Variants in HECW1 observed in about 807,000 individuals in gnomAD.
The protein encoded by HECW1 is HECT, C2 and WW domain containing E3 ubiquitin protein ligase 1.
Under a neutral mutation model 182.3 loss-of-function variants are expected in HECW1, and 61 were observed. The observed-to-expected ratio is 0.33, with a 90% CI of 0.27 to 0.41. The LOEUF (loss-of-function observed/expected upper bound fraction) is 0.41. Among genes scored for constraint, HECW1 ranks in the 10% least tolerant of loss-of-function variants. HECW1 has a pLI of 1.00. For missense variants in HECW1, 1,739 were observed against 2,108.9 expected, an observed-to-expected ratio of 0.82 and a Z score of 3.44; for synonymous variants, 859 against 832.6, an observed-to-expected ratio of 1.03 and a Z score of -0.55.
intron 2 of HECW1, among the ~76,000 whole-genome samples, chr7:43,115,965 A>G (rs1004650388): frequency 1.3e-5 from 2 of 152,196 alleles, no homozygotes; most frequent in African/African-American, 4.8e-5. Flanking sequence ...TCCAGCACCT[A>G]GCAGTTTGCC....
chr7:43,462,970 A>G (rs1018694729), intron 13 of HECW1, among the ~76,000 whole-genome samples: 4 of 152,054 alleles, frequency 2.6e-5, no homozygotes, highest in African/African-American at 9.7e-5. Flanking sequence ...CTTTTGTTAC[A>G]TCTCGACTGT....
chr7:43,257,811 TCTC>T (rs1481765663), intron 3 of HECW1, among the ~76,000 whole-genome samples: 2 of 152,040 alleles, frequency 1.3e-5, no homozygotes, highest in African/African-American at 4.8e-5. Flanking sequence ...TTATTTTGCC[TCTC>T]TATGTCTTAA....
intron 3 of HECW1, among the ~76,000 whole-genome samples, chr7:43,283,604 C>G (rs7785614): frequency 0.36 from 54,269 of 152,074 alleles, 13,169 homozygotes; most frequent in African/African-American, 0.69. Flanking sequence ...AGTTCTTTAG[C>G]ATCCTCAATA....
intron 12 of HECW1, among the ~76,000 whole-genome samples, chr7:43,454,219 T>C (rs552164987): frequency 8.5e-5 from 13 of 152,372 alleles, no homozygotes; most frequent in African/African-American, 3.1e-4. Context: ...CACTCATCTC[T>C]GTGTCCTCAG....
intron 8 of HECW1, among the ~76,000 whole-genome samples, chr7:43,421,986 T>C (rs1402603495): frequency 6.6e-6 from 1 of 152,190 alleles, no homozygotes; most frequent in African/African-American, 2.4e-5. Flanking sequence ...GTCTCTTTAA[T>C]ATCCCTTTGC....
At position 43,444,394 on chromosome 7, in the gene HECW1, C is replaced by G. The variant is rs1281477095; in HGVS notation, c.1222C>G (p.Gln408Glu). The G allele has an allele frequency of 6.2e-7, 1 of 1,613,918 alleles. No homozygotes were observed. Among genetic ancestry groups the G allele is most frequent in the African/African-American group, 1.3e-5 (1 of 74,902 alleles). The change falls in exon 11 of 30, where the codon CAA (glutamine) becomes GAA (glutamate). Residue 408 changes from glutamine to glutamate, a missense_variant. Physicochemically the swap from Gln to Glu is conservative, Grantham distance 29. Transcript: ENST00000395891. This position sits in a 1 kb window ranked among gnomAD's most constrained non-coding sequence, Gnocchi z 4.3. Reference sequence around the variant, plus strand: ...CAGTGTCCCCGATGGTCCAGGGAACCAAAGCATAGAGCTTTCCAGACCAGC... The same window carrying G: ...CAGTGTCCCCGATGGTCCAGGGAACGAAAGCATAGAGCTTTCCAGACCAGC... ...EGSVPDGPGNQSIELSRPAEE... is the reference protein window; with the variant it reads ...EGSVPDGPGNESIELSRPAEE...
At chr7:43,326,031 G>C (rs1350654759) in intron 5 of HECW1, among the ~76,000 whole-genome samples, 1 of 152,094 alleles carries the variant, frequency 6.6e-6, no homozygotes, top group African/African-American at 2.4e-5. Flanking sequence ...CATTCTAAAG[G>C]CTGGGAAGTC....
intron 26 of HECW1, among the ~76,000 whole-genome samples, chr7:43,548,231 A>G (rs1391838080): frequency 6.8e-6 from 1 of 147,788 alleles, no homozygotes; most frequent in Non-Finnish European, 1.5e-5. Context: ...TTATGGACTC[A>G]TTACATTTCT....
At chr7:43,182,082 CCT>C (rs1164768196) in intron 2 of HECW1, among the ~76,000 whole-genome samples, 1 of 152,146 alleles carries the variant, frequency 6.6e-6, no homozygotes, top group East Asian at 1.9e-4. Context: ...CCGCGCCAGG[CCT>C]CTCATATTCT....
chr7:43,437,922 C>G (rs778132735), intron 8 of HECW1, 81 bp from the exon 9 acceptor site: 1 of 1,398,110 alleles, frequency 7.2e-7, no homozygotes, highest in Non-Finnish European at 1.0e-6. Flanking sequence ...TTTACAGTGA[C>G]AGCATCAAGG....
intron 3 of HECW1, among the ~76,000 whole-genome samples, chr7:43,252,266 T>C (rs1476709640): frequency 6.6e-6 from 1 of 152,196 alleles, no homozygotes; most frequent in Admixed American, 6.5e-5. Flanking sequence ...TTCCCAGGTT[T>C]CTGCCCCCAG....
intron 3 of HECW1, among the ~76,000 whole-genome samples, chr7:43,270,306 T>G (rs1180922253): frequency 1.3e-5 from 2 of 152,222 alleles, no homozygotes; most frequent in African/African-American, 4.8e-5. Flanking sequence ...TGTCATCTGA[T>G]GGGTTGACTA....
intron 2 of HECW1, chr7:43,241,622 G>GTGTGTT (rs1798891271): frequency 1.1e-5 from 1 of 92,282 alleles, no homozygotes; most frequent in Non-Finnish European, 2.3e-5. Context: ...ATGTATGTGT[G>GTGTGTT]TGTGTGTGTG....
chr7:43,532,040 C>T lies in HECW1; in HGVS notation c.4020-9123C>T, dbSNP rs139755500. On this transcript the variant is annotated intron_variant, in intron 24 of 29. Coordinates refer to ENST00000395891, the MANE Select transcript of HECW1 (RefSeq NM_015052.5). ...CAACTGCCTGCTCCACAGCTCCACT[C>T]AGATATAAATAGGCAGCACAAACGT... is the stretch of plus-strand genomic sequence containing the variant. Among the ~76,000 whole-genome samples the T allele has an allele frequency of 5.3e-5, 8 of 152,336 alleles. No individual in the cohort carries two copies. The East Asian group carries it at 1.5e-3, about 29-fold the overall frequency.
intron 2 of HECW1, among the ~76,000 whole-genome samples, chr7:43,146,017 A>G (rs1788670698): frequency 6.6e-6 from 1 of 152,202 alleles, no homozygotes. Context: ...TTACAATGGA[A>G]GATGTGATTC....
intron 2 of HECW1, among the ~76,000 whole-genome samples, chr7:43,115,656 G>A (rs1261637866): frequency 1.3e-5 from 2 of 152,112 alleles, no homozygotes; most frequent in Non-Finnish European, 2.9e-5. Context: ...CATGCGCTAT[G>A]GTAATTTTTA....
In HECW1 at chr7:43,218,606, T is replaced by C. The variant is rs150480928; in HGVS notation, c.-31-25269T>C. ...TTGGAAGGCACAGCAAAGCTGGCTTTGGGCAACATTTATACCTAGGGTGTT... is the reference window on the plus strand; with the variant it reads ...TTGGAAGGCACAGCAAAGCTGGCTTCGGGCAACATTTATACCTAGGGTGTT... On this transcript the variant is annotated intron_variant, in intron 2 of 29. Transcript: ENST00000395891. 1.4e-3 allele frequency among the ~76,000 whole-genome samples: 213 copies of C among 152,306 alleles called. 3 individuals carry two copies. The South Asian group carries it at 0.024, about 17-fold the overall frequency.
intron 2 of HECW1, among the ~76,000 whole-genome samples, chr7:43,221,456 A>G (rs548476362): frequency 1.4e-5 from 2 of 145,126 alleles, no homozygotes; most frequent in African/African-American, 2.5e-5. Context: ...AAATCTCCTT[A>G]TCTCTTAAAG....
chr7:43,345,823 C>T (rs1048819917), intron 5 of HECW1, among the ~76,000 whole-genome samples: 2 of 141,686 alleles, frequency 1.4e-5, no homozygotes, highest in African/African-American at 5.3e-5. Flanking sequence ...CACACACACA[C>T]ACACATCATA....
Sources: gnomAD v4.1 joint callset for allele counts (sites outside exome capture counted in the v4.1 genomes callset) on GRCh38, gnomAD v4.1.1 for gene constraint, Gnocchi (gnomAD v3.1) non-coding constraint, MANE v1.5 for transcripts, NCBI Gene and HGNC (gene_info 2026-07-23, HGNC 2026-07-21) for gene names.